DSCAM: variants seen among roughly 807,000 people sequenced by gnomAD.
The protein encoded by DSCAM is DS cell adhesion molecule.
Under a neutral mutation model 217.7 loss-of-function variants are expected in DSCAM, and 47 were observed. The ratio of observed to expected loss-of-function variants is 0.22; its 90% CI spans 0.17 to 0.28. The LOEUF is 0.28. Ranked by LOEUF, DSCAM falls within the 10% of genes least tolerant of loss-of-function variation. The probability of loss-of-function intolerance (pLI) is 1.00; values close to 1 mark genes in which losing one functional copy is unlikely to be tolerated. For synonymous variants in DSCAM, 1,056 were observed against 1,015.3 expected (o/e 1.04, Z -0.76); for missense variants, 2,080 against 2,618.3 (o/e 0.79, Z 4.49).
At chr21:40,205,157 A>C (rs1390389866) in intron 11 of DSCAM, among the ~76,000 whole-genome samples, 1 of 152,230 alleles carries the variant, frequency 6.6e-6, no homozygotes, top group Non-Finnish European at 1.5e-5. Flanking sequence ...GGTCCCTCCC[A>C]GGGGAGACGA....
intron 11 of DSCAM, among the ~76,000 whole-genome samples, chr21:40,204,333 C>T (rs2091101512): frequency 6.6e-6 from 1 of 152,170 alleles, no homozygotes. Context: ...ATGTTCATAC[C>T]TGCCTGGGTG....
intron 3 of DSCAM, among the ~76,000 whole-genome samples, chr21:40,620,392 GAA>G (rs2089493630): frequency 1.6e-5 from 2 of 125,918 alleles, no homozygotes; most frequent in South Asian, 2.8e-4. Context: ...GAAAGAGAAA[GAA>G]AGAAAGAAAG....
intron 3 of DSCAM, among the ~76,000 whole-genome samples, chr21:40,539,351 C>T (rs1601727119): frequency 1.3e-5 from 2 of 151,966 alleles, no homozygotes; most frequent in South Asian, 2.1e-4. Flanking sequence ...AAAAATTAGC[C>T]GGGCATGGTG....
At chr21:40,114,117 C>G (rs1192280971) in intron 20 of DSCAM, among the ~76,000 whole-genome samples, 1 of 150,168 alleles carries the variant, frequency 6.7e-6, no homozygotes, top group African/African-American at 2.4e-5. Context: ...CAATCCTAAG[C>G]CAAAAGAACA....
rs756275538 is a variant in DSCAM, at chr21:40,678,469, C to T, written c.508+14341G>A. Among the ~76,000 whole-genome samples the T allele has an allele frequency of 3.9e-5, 6 of 152,102 alleles. No individual in the cohort carries two copies. In the South Asian group the frequency reaches 6.2e-4, roughly 16 times the overall value. On this transcript the variant is annotated intron_variant, in intron 3 of 32. Coordinates refer to ENST00000400454, the MANE Select transcript of DSCAM (RefSeq NM_001389.5). ...ATAAAATAATTCTCCGATGAGAAATCGGAGCCAGTGATAGAGATGGGAGGC... is the reference window on the plus strand; with the variant it reads ...ATAAAATAATTCTCCGATGAGAAATTGGAGCCAGTGATAGAGATGGGAGGC...
intron 9 of DSCAM, among the ~76,000 whole-genome samples, chr21:40,307,341 G>A (rs369928197): frequency 0.018 from 2,775 of 151,922 alleles, 39 homozygotes; most frequent in Non-Finnish European, 0.029. Context: ...AATGCTCACC[G>A]TCACTGGCCA....
chr21:40,786,832 A>G (rs1601258570), intron 1 of DSCAM, among the ~76,000 whole-genome samples: 1 of 152,228 alleles, frequency 6.6e-6, no homozygotes, highest in African/African-American at 2.4e-5. Flanking sequence ...TAAATATGAT[A>G]TGGATATGGA....
At chr21:40,578,940 T>C (rs989834973) in intron 3 of DSCAM, among the ~76,000 whole-genome samples, 1 of 152,086 alleles carries the variant, frequency 6.6e-6, no homozygotes, top group Non-Finnish European at 1.5e-5. Flanking sequence ...ATAGTGTGGA[T>C]GAAGATGAAA....
rs1359653028 is a variant in DSCAM at position 40,691,213 on chromosome 21, A to G, written c.508+1597T>C. 4.6e-5 allele frequency among the ~76,000 whole-genome samples: 7 copies of G among 152,232 alleles called. No individual in the cohort carries two copies. In the East Asian group the frequency reaches 1.3e-3, roughly 29 times the overall value. On this transcript the variant is annotated intron_variant, in intron 3 of 32. Coordinates refer to ENST00000400454, the MANE Select transcript of DSCAM (RefSeq NM_001389.5). ...TGAGACTTGCTTTGGCCAATTAAAT[A>G]TGAACAGAGATAACATGTGTCACCT...
chr21:40,677,475 G>C (rs914665258), intron 3 of DSCAM, among the ~76,000 whole-genome samples: 1 of 152,122 alleles, frequency 6.6e-6, no homozygotes, highest in South Asian at 2.1e-4. Flanking sequence ...TGCAGCTTTC[G>C]ATACTGGTGT....
intron 3 of DSCAM, among the ~76,000 whole-genome samples, chr21:40,410,289 T>G (rs1451262716): frequency 6.6e-6 from 1 of 151,858 alleles, no homozygotes; most frequent in South Asian, 2.1e-4. Flanking sequence ...TAAACAACAA[T>G]AGAAACTACA....
At chr21:40,098,266 G>A (rs1480468738) in intron 20 of DSCAM, among the ~76,000 whole-genome samples, 2 of 152,156 alleles carry the variant, frequency 1.3e-5, no homozygotes, top group Non-Finnish European at 2.9e-5. Flanking sequence ...AAGATATGAA[G>A]CTTGGTTATT....
Position 40,433,882 on chromosome 21 carries a change from T to C in DSCAM, c.509-64637A>G, listed in dbSNP as rs534305500. 5.3e-5 allele frequency among the ~76,000 whole-genome samples: 8 copies of C among 152,298 alleles called. No homozygotes were observed. In the South Asian group the frequency reaches 1.0e-3, roughly 20 times the overall value. ...TTAATGTCACCTGAGGTAGATGATG[T>C]TACATGAGGTAGGTGATTTCACCTG... On this transcript the variant is annotated intron_variant, in intron 3 of 32. Transcript: ENST00000400454.
intron 26 of DSCAM, 53 bp from the exon 27 acceptor site, chr21:40,075,266 A>C: frequency 6.3e-7 from 1 of 1,591,070 alleles, no homozygotes; most frequent in Admixed American, 1.7e-5. Flanking sequence ...GGCATGGCGG[A>C]GCTTTTAGGG....
chr21:40,218,548 T>C (rs2091263696), intron 11 of DSCAM, among the ~76,000 whole-genome samples: 1 of 152,208 alleles, frequency 6.6e-6, no homozygotes, highest in African/African-American at 2.4e-5. Context: ...TGTAGTTTGA[T>C]AGCTATAGCA....
At chr21:40,286,465 G>A (rs930925273) in intron 10 of DSCAM, among the ~76,000 whole-genome samples, 11 of 152,174 alleles carry the variant, frequency 7.2e-5, no homozygotes, top group Non-Finnish European at 1.0e-4. Context: ...CCAGAACTTG[G>A]GGAGAAGCCT....
At chr21:40,381,367 T>A (rs1326856660) in intron 3 of DSCAM, among the ~76,000 whole-genome samples, 1 of 152,106 alleles carries the variant, frequency 6.6e-6, no homozygotes, top group Non-Finnish European at 1.5e-5. Flanking sequence ...TTAGAAGAGG[T>A]ACATCAGCAT....
At chr21:40,564,397 A>T (rs1323909707) in intron 3 of DSCAM, among the ~76,000 whole-genome samples, 1 of 152,214 alleles carries the variant, frequency 6.6e-6, no homozygotes, top group Non-Finnish European at 1.5e-5. Context: ...ATTTGGAGAA[A>T]TTGTTCTGAC....
chr21:40,601,003 A>G (rs1486991848), intron 3 of DSCAM, among the ~76,000 whole-genome samples: 3 of 152,152 alleles, frequency 2.0e-5, no homozygotes, highest in Non-Finnish European at 4.4e-5. Context: ...CTCCTTGCCT[A>G]TTCTAGGTCT....
Sources: gnomAD v4.1 joint callset for allele counts (sites outside exome capture counted in the v4.1 genomes callset) on GRCh38, gnomAD v4.1.1 for gene constraint, MANE v1.5 for transcripts, NCBI Gene and HGNC (gene_info 2026-07-23, HGNC 2026-07-21) for gene names.